RAP1GAP2: variants seen among roughly 807,000 people sequenced by gnomAD.
RAP1GAP2 encodes the protein rap1 GTPase-activating protein 2.
A neutral mutation model predicts 95.0 loss-of-function variants in RAP1GAP2; 27 were observed. That is an observed-to-expected ratio of 0.28 (90% CI 0.21 to 0.39). The LOEUF is 0.39. Among genes scored for constraint, RAP1GAP2 ranks in the 10% least tolerant of loss-of-function variants. RAP1GAP2 has a pLI of 1.00. For missense variants in RAP1GAP2, 771 were observed against 970.0 expected, an observed-to-expected ratio of 0.79 and a Z score of 2.72; for synonymous variants, 373 against 380.9, an observed-to-expected ratio of 0.98 and a Z score of 0.24.
At chr17:2,974,142 C>A (rs910000189) in intron 8 of RAP1GAP2, among the ~76,000 whole-genome samples, 4 of 151,042 alleles carry the variant, frequency 2.6e-5, no homozygotes, top group Non-Finnish European at 5.9e-5. Flanking sequence ...GAGATCGAGA[C>A]CATCCTGGCT....
chr17:2,915,740 C>CG (rs1555567758), intron 3 of RAP1GAP2, among the ~76,000 whole-genome samples: 1 of 151,850 alleles, frequency 6.6e-6, no homozygotes, highest in Non-Finnish European at 1.5e-5. Flanking sequence ...GCTCTGTCAC[C>CG]AGGCTGGAGT....
chr17:2,911,351 G>T (rs2042375211), intron 3 of RAP1GAP2, among the ~76,000 whole-genome samples: 1 of 150,832 alleles, frequency 6.6e-6, no homozygotes, highest in South Asian at 2.1e-4. Flanking sequence ...CCCAGCCAGA[G>T]CTCAAACTGG....
intron 2 of RAP1GAP2, among the ~76,000 whole-genome samples, chr17:2,833,761 GT>G (rs2071013770): frequency 6.6e-6 from 1 of 151,236 alleles, no homozygotes; most frequent in Non-Finnish European, 1.5e-5. Flanking sequence ...ACACATGAAA[GT>G]GTTTCTCTAG....
intron 19 of RAP1GAP2, among the ~76,000 whole-genome samples, chr17:3,023,336 T>C (rs2047013093): frequency 6.6e-6 from 1 of 152,264 alleles, no homozygotes; most frequent in African/African-American, 2.4e-5. Context: ...TGCCATGTGC[T>C]GGGCACAGTG....
rs547407069 is a variant in RAP1GAP2 at position 3,008,461 on chromosome 17, A to G, written c.1494+316A>G. Among the ~76,000 whole-genome samples the G allele has an allele frequency of 1.3e-5, 2 of 152,326 alleles. No homozygotes were observed. Among genetic ancestry groups the G allele is most frequent in the South Asian group, 2.1e-4 (1 of 4,830 alleles). On this transcript the variant is annotated intron_variant, in intron 17 of 24. Transcript: ENST00000254695. The surrounding 1 kb of genome is among the most constrained non-coding windows in gnomAD (Gnocchi z 4.2). ...AGAGGAGCTGGAGCAAGCCAGGAAC[A>G]TCGGCGCTTTCACCTGCCTCCTCCT...
At chr17:2,896,680 G>A (rs952745740) in intron 2 of RAP1GAP2, among the ~76,000 whole-genome samples, 48 of 152,210 alleles carry the variant, frequency 3.2e-4, no homozygotes, top group Non-Finnish European at 2.4e-4. Flanking sequence ...ACAGGGCTGT[G>A]GAGGGGCTGC....
At chr17:3,012,415 C>T (rs1403475302) in intron 17 of RAP1GAP2, among the ~76,000 whole-genome samples, 13 of 151,762 alleles carry the variant, frequency 8.6e-5, no homozygotes, top group Admixed American at 3.3e-4. Flanking sequence ...GTCAGGAGTT[C>T]GAGACCAGCC....
In RAP1GAP2 at chr17:2,995,412, G is replaced by A; in HGVS notation, c.990G>A (p.Glu330=). The change falls in exon 13 of 25, where the codon GAG becomes GAA. Residue 330 remains glutamate, a synonymous_variant. Coordinates refer to ENST00000254695, the MANE Select transcript of RAP1GAP2 (RefSeq NM_015085.5). ...TGTACACAACATTCCGGGACAGGGA[G>A]ATCATGTTTCACGTTTCCACAAAGC... ...ESVYTTFRDR[E]IMFHVSTKLP... 1.2e-6 allele frequency: 2 copies of A among 1,614,002 alleles called. No homozygotes were observed. Among genetic ancestry groups the A allele is most frequent in the Non-Finnish European group, 1.7e-6 (2 of 1,179,876 alleles).
Position 3,028,264 on chromosome 17 carries a change from A to G in RAP1GAP2, c.2107+1194A>G, listed in dbSNP as rs115458965. ...GGTTAAAGAATGGGAATGAGACAATAGTGTAGTCAGCGGTTCTGAGCCGGG... is the reference window on the plus strand; with the variant it reads ...GGTTAAAGAATGGGAATGAGACAATGGTGTAGTCAGCGGTTCTGAGCCGGG... On this transcript the variant is annotated intron_variant, in intron 22 of 24. Transcript: ENST00000254695. 3.7e-3 allele frequency among the ~76,000 whole-genome samples: 558 copies of G among 152,130 alleles called. 7 individuals carry two copies. The highest frequency in any genetic ancestry group is 0.013 in the African/African-American group (525 of 41,486).
At chr17:2,979,921 C>T (rs547231022) in intron 8 of RAP1GAP2, among the ~76,000 whole-genome samples, 3 of 151,846 alleles carry the variant, frequency 2.0e-5, no homozygotes, top group Non-Finnish European at 4.4e-5. Context: ...CGGCCACCTT[C>T]CTCTTGGACT....
In RAP1GAP2 at chr17:2,866,319, G is replaced by A. The variant is rs1254412378; in HGVS notation, c.81-38965G>A. On this transcript the variant is annotated intron_variant, in intron 2 of 24. Transcript: ENST00000254695. The surrounding 1 kb of genome is among the most constrained non-coding windows in gnomAD (Gnocchi z 4.0). ...GATGAGGCTGTTAGGGCGGCCTGGGGCCATTTCGTGTTAGGTGTTGAATGC... is the reference window on the plus strand; with the variant it reads ...GATGAGGCTGTTAGGGCGGCCTGGGACCATTTCGTGTTAGGTGTTGAATGC... Among the ~76,000 whole-genome samples the A allele has an allele frequency of 6.6e-6, 1 of 152,238 alleles. No individual in the cohort carries two copies. Among genetic ancestry groups the A allele is most frequent in the African/African-American group, 2.4e-5 (1 of 41,468 alleles).
rs1390456040 is a variant in RAP1GAP2 at position 2,797,277 on chromosome 17, T to C, written c.44+706T>C. Among the ~76,000 whole-genome samples the C allele has an allele frequency of 1.3e-5, 2 of 152,158 alleles. No individual in the cohort carries two copies. The highest frequency in any genetic ancestry group is 2.9e-5 in the Non-Finnish European group (2 of 68,032). On this transcript the variant is annotated intron_variant, in intron 1 of 24. Transcript: ENST00000254695. The surrounding 1 kb of genome is among the most constrained non-coding windows in gnomAD (Gnocchi z 5.6). The stretch of plus-strand genomic sequence containing the variant: ...GCCTCCTGCCTGGCCCTCTGGACAC[T>C]CTTGCCTCTAAGCTTCTGTCTGGGA...
intron 2 of RAP1GAP2, among the ~76,000 whole-genome samples, chr17:2,859,374 G>A (rs2072279500): frequency 6.6e-6 from 1 of 152,042 alleles, no homozygotes; most frequent in East Asian, 1.9e-4. Flanking sequence ...GCCTCCCAAA[G>A]TGCTGGAATT....
At chr17:2,824,059 C>T (rs527243347) in intron 2 of RAP1GAP2, among the ~76,000 whole-genome samples, 1 of 141,096 alleles carries the variant, frequency 7.1e-6, no homozygotes, top group African/African-American at 2.7e-5. Flanking sequence ...GGAGGCAGAG[C>T]TTGCAGTGAG....
chr17:2,920,175 T>TA (rs1001863676), intron 3 of RAP1GAP2, among the ~76,000 whole-genome samples: 2 of 152,066 alleles, frequency 1.3e-5, no homozygotes, highest in Admixed American at 1.3e-4. Context: ...CTGCTAGGCT[T>TA]AAAAAAAATT....
chr17:3,032,555 C>T lies in RAP1GAP2; in HGVS notation c.*30+106C>T. 5.4e-6 allele frequency: 6 copies of T among 1,113,484 alleles called. No individual in the cohort carries two copies. In the South Asian group the frequency reaches 7.8e-5, roughly 14 times the overall value. The allele number at this position is 1,113,484 out of a possible 1,614,324, so 69.0% of individuals were successfully genotyped here. Reference sequence around the variant, plus strand: ...CCTCAGAATGGCCGGAGAGATGCCGCCAGCTGGGGATGTCCAAAGAGTCTC... The same window carrying T: ...CCTCAGAATGGCCGGAGAGATGCCGTCAGCTGGGGATGTCCAAAGAGTCTC... On this transcript the variant is annotated intron_variant, in intron 24 of 24. Coordinates refer to ENST00000254695, the MANE Select transcript of RAP1GAP2 (RefSeq NM_015085.5).
chr17:3,014,259 C>A (rs1324613245), intron 17 of RAP1GAP2, among the ~76,000 whole-genome samples: 5 of 152,246 alleles, frequency 3.3e-5, no homozygotes, highest in African/African-American at 7.2e-5. Context: ...GAGCCTGTGG[C>A]TGCCAGGTTA....
At chr17:3,007,717 G>A (rs1042999431) in intron 16 of RAP1GAP2, among the ~76,000 whole-genome samples, 1 of 152,204 alleles carries the variant, frequency 6.6e-6, no homozygotes, top group African/African-American at 2.4e-5. Flanking sequence ...GCAGAGGGCC[G>A]GGCTGGGATT....
chr17:2,977,106 A>G (rs2045153257), intron 8 of RAP1GAP2, among the ~76,000 whole-genome samples: 1 of 150,916 alleles, frequency 6.6e-6, no homozygotes, highest in Non-Finnish European at 1.5e-5. Context: ...CTGGGCAACA[A>G]GAATGAAACT....
Sources: gnomAD v4.1 joint callset for allele counts (sites outside exome capture counted in the v4.1 genomes callset) on GRCh38, gnomAD v4.1.1 for gene constraint, Gnocchi (gnomAD v3.1) non-coding constraint, MANE v1.5 for transcripts, NCBI Gene and HGNC (gene_info 2026-07-23, HGNC 2026-07-21) for gene names.